Variants in SAMD12 observed in about 807,000 individuals in gnomAD.
SAMD12 encodes the protein sterile alpha motif domain-containing protein 12.
A neutral mutation model predicts 15.0 loss-of-function variants in SAMD12; 9 were observed. The observed-to-expected ratio is 0.60, with a 90% CI of 0.36 to 1.05. SAMD12 has a LOEUF of 1.05. Among genes scored for constraint, SAMD12 ranks in the 50% least tolerant of loss-of-function variants. The probability of loss-of-function intolerance (pLI) is 0.01; values close to 1 mark genes in which losing one functional copy is unlikely to be tolerated. For missense variants in SAMD12, 230 were observed against 234.2 expected, an observed-to-expected ratio of 0.98 and a Z score of 0.12; for synonymous variants, 86 against 90.1, an observed-to-expected ratio of 0.96 and a Z score of 0.25.
At chr8:118,381,836 T>A (rs1202977126) in intron 3 of SAMD12, among the ~76,000 whole-genome samples, 3 of 152,226 alleles carry the variant, frequency 2.0e-5, no homozygotes, top group Non-Finnish European at 4.4e-5. Flanking sequence ...TAATCTGTTA[T>A]AGCAGCAGTT....
chr8:118,282,093 T>C (rs1367802312), intron 4 of SAMD12: 6 of 346,104 alleles, frequency 1.7e-5, no homozygotes, highest in Non-Finnish European at 3.4e-5. Flanking sequence ...TAACTTAATT[T>C]GCCTCAGTGA....
intron 2 of SAMD12, among the ~76,000 whole-genome samples, chr8:118,462,247 A>G (rs79113406): frequency 0.015 from 2,314 of 152,330 alleles, 61 homozygotes; most frequent in African/African-American, 0.053. Context: ...GATTTTTAAT[A>G]GCCTTGTCTT....
intron 4 of SAMD12, among the ~76,000 whole-genome samples, chr8:118,229,091 G>T (rs915851263): frequency 6.6e-6 from 1 of 152,002 alleles, no homozygotes; most frequent in Non-Finnish European, 1.5e-5. Context: ...CTATGAGAAC[G>T]CAAAGGCATA....
At chr8:118,216,689 T>A (rs999630017) in intron 4 of SAMD12, among the ~76,000 whole-genome samples, 1 of 152,230 alleles carries the variant, frequency 6.6e-6, no homozygotes, top group Admixed American at 6.5e-5. Flanking sequence ...AGTCCAGGGC[T>A]ATTTAGGGTA....
At chr8:118,588,917 T>C (rs1827514428) in intron 1 of SAMD12, among the ~76,000 whole-genome samples, 1 of 152,218 alleles carries the variant, frequency 6.6e-6, no homozygotes, top group Non-Finnish European at 1.5e-5. Flanking sequence ...AATTTCTCCT[T>C]GGTCAGCTAA....
rs566068587 is a variant in SAMD12 at position 118,477,374 on chromosome 8, C to T, written c.193-37413G>A. Among the ~76,000 whole-genome samples the T allele has an allele frequency of 3.1e-4, 47 of 152,138 alleles. 1 individual carries two copies. Among genetic ancestry groups the T allele is most frequent in the African/African-American group, 1.1e-3 (46 of 41,510 alleles). ...AGCCATTGCGCTCGACCTCTGCGGC[C>T]GGTTTGATGTTCAATTCAGAATGGC... On this transcript the variant is annotated intron_variant, in intron 2 of 3. Coordinates refer to ENST00000314727, the MANE Select transcript of SAMD12 (RefSeq NM_207506.3).
At chr8:118,168,108 T>C in the SAMD12 span, among the ~76,000 whole-genome samples, 5,307 of 152,280 alleles carry the variant, frequency 0.035, 291 homozygotes, top group African/African-American at 0.12. Context: ...TGCTTTTGCT[T>C]CCTCCTCATT....
intron 4 of SAMD12, among the ~76,000 whole-genome samples, chr8:118,276,391 G>A (rs796954092): frequency 1.8e-4 from 28 of 152,222 alleles, no homozygotes; most frequent in African/African-American, 6.7e-4. Flanking sequence ...TATACTACTT[G>A]TTGCCTTTAA....
intron 4 of SAMD12, among the ~76,000 whole-genome samples, chr8:118,366,004 T>C (rs868572449): frequency 6.6e-6 from 1 of 152,126 alleles, no homozygotes; most frequent in African/African-American, 2.4e-5. Context: ...TCCACTAAAA[T>C]GTAAAATCCA....
chr8:118,236,500 T>G (rs1812434188), intron 4 of SAMD12, among the ~76,000 whole-genome samples: 1 of 152,230 alleles, frequency 6.6e-6, no homozygotes, highest in African/African-American at 2.4e-5. Context: ...TTACTGGATC[T>G]AAGATTATAG....
At chr8:118,477,874 G>A (rs1286030120) in intron 2 of SAMD12, among the ~76,000 whole-genome samples, 1 of 151,940 alleles carries the variant, frequency 6.6e-6, no homozygotes, top group African/African-American at 2.4e-5. Flanking sequence ...AATTAGTCAG[G>A]TGTGGCAGAG....
Position 118,193,566 on chromosome 8 carries a change from G to T in SAMD12, c.*4144C>A, listed in dbSNP as rs75389842. 20 of 152,258 alleles carry T rather than the reference G, an allele frequency of 1.3e-4. No homozygotes were observed. The East Asian group carries it at 3.5e-3, about 26-fold the overall frequency. 9.4% of individuals were successfully genotyped at this position (152,258 alleles called of 1,614,324 possible). The stretch of plus-strand genomic sequence containing the variant: ...CTTCCTGATCTCAGGGCTGCACTGG[G>T]ATTAATTAATCTTCCAGATGACTGG... On this transcript the variant is annotated 3_prime_UTR_variant, in exon 5 of 5. Coordinates refer to the SAMD12 transcript ENST00000409003.
intron 2 of SAMD12, among the ~76,000 whole-genome samples, chr8:118,467,575 A>G (rs997180174): frequency 6.6e-6 from 1 of 152,182 alleles, no homozygotes. Context: ...ACGGAAACTC[A>G]GCATAAAATA....
chr8:118,434,645 G>A (rs941212847), intron 3 of SAMD12, among the ~76,000 whole-genome samples: 1 of 152,206 alleles, frequency 6.6e-6, no homozygotes, highest in African/African-American at 2.4e-5. Context: ...GGCCCCAGAA[G>A]AGCCTCCTCA....
chr8:118,327,646 T>G (rs576055650), intron 4 of SAMD12, among the ~76,000 whole-genome samples: 23 of 152,318 alleles, frequency 1.5e-4, no homozygotes, highest in Middle Eastern at 3.4e-3. Flanking sequence ...TTCAAAATCA[T>G]GGAATAAGGC....
intron 4 of SAMD12, among the ~76,000 whole-genome samples, chr8:118,337,931 A>G (rs1586557526): frequency 6.6e-6 from 1 of 152,236 alleles, no homozygotes; most frequent in East Asian, 1.9e-4. Context: ...TATCCATTAA[A>G]TTGTGAAGAA....
At chr8:118,171,611 A>G in the SAMD12 span, among the ~76,000 whole-genome samples, 1 of 152,120 alleles carries the variant, frequency 6.6e-6, no homozygotes, top group Middle Eastern at 3.2e-3. Flanking sequence ...GATTGCATTC[A>G]TATGAAATGT....
chr8:118,593,043 T>C (rs777382864), intron 1 of SAMD12, among the ~76,000 whole-genome samples: 3 of 152,170 alleles, frequency 2.0e-5, no homozygotes, highest in Non-Finnish European at 4.4e-5. Context: ...TGTCTATTCA[T>C]AGTAACATTC....
At chr8:118,137,547 C>T in the SAMD12 span, among the ~76,000 whole-genome samples, 1 of 152,182 alleles carries the variant, frequency 6.6e-6, no homozygotes, top group Non-Finnish European at 1.5e-5. Flanking sequence ...ACTTCCTCCA[C>T]CAGGATGTGC....
Sources: gnomAD v4.1 joint callset for allele counts (sites outside exome capture counted in the v4.1 genomes callset) on GRCh38, gnomAD v4.1.1 for gene constraint, MANE v1.5 for transcripts, NCBI Gene and HGNC (gene_info 2026-07-23, HGNC 2026-07-21) for gene names.